Variants in ARSB observed in about 807,000 individuals in gnomAD.
ARSB encodes the protein N-acetylgalactosamine-4-sulfatase.
Under a neutral mutation model 50.9 loss-of-function variants are expected in ARSB, and 41 were observed. The observed-to-expected ratio is 0.81, with a 90% CI of 0.63 to 1.04. The LOEUF is 1.04. Ranked by LOEUF, ARSB falls within the 50% of genes least tolerant of loss-of-function variation. The probability of loss-of-function intolerance (pLI) is 0.00; values close to 1 mark genes in which losing one functional copy is unlikely to be tolerated. For missense variants in ARSB, 672 were observed against 693.3 expected (o/e 0.97, Z 0.35); for synonymous variants, 269 against 284.8 (o/e 0.94, Z 0.56).
At chr5:78,913,129 T>TC (rs1749380284) in intron 4 of ARSB, among the ~76,000 whole-genome samples, 1 of 151,364 alleles carries the variant, frequency 6.6e-6, no homozygotes, top group Admixed American at 6.6e-5. Flanking sequence ...CGCTTTTTTT[T>TC]TTTTTTTCTT....
chr5:78,812,592 A>AACACACACACACACACACAC, intron 6 of ARSB, among the ~76,000 whole-genome samples: 1 of 144,262 alleles, frequency 6.9e-6, no homozygotes, highest in South Asian at 2.2e-4. Context: ...ATTCTGTTCA[A>AACACACACACACACACACAC]ACACACACAC....
intron 4 of ARSB, among the ~76,000 whole-genome samples, chr5:78,916,371 T>C (rs1261040166): frequency 1.3e-5 from 2 of 152,204 alleles, no homozygotes; most frequent in African/African-American, 4.8e-5. Flanking sequence ...ACAGACAAAC[T>C]GTCTTTAGTT....
chr5:78,863,070 T>C (rs113712551), intron 5 of ARSB, among the ~76,000 whole-genome samples: 19,298 of 152,062 alleles, frequency 0.13, 1,421 homozygotes, highest in Middle Eastern at 0.21. Flanking sequence ...CTATCTCACA[T>C]TAGTTAGAAT....
At chr5:78,869,152 G>C (rs1449383842) in intron 5 of ARSB, among the ~76,000 whole-genome samples, 3 of 141,328 alleles carry the variant, frequency 2.1e-5, no homozygotes, top group Non-Finnish European at 4.6e-5. Flanking sequence ...GGAGCACCCA[G>C]ATTCATAAAG....
At chr5:78,844,365 T>C (rs1745354076) in intron 5 of ARSB, among the ~76,000 whole-genome samples, 1 of 152,188 alleles carries the variant, frequency 6.6e-6, no homozygotes, top group Admixed American at 6.5e-5. Context: ...ATTCAGATCA[T>C]TTGCTCGTAT....
chr5:78,784,839 C>T (rs1749034942), intron 6 of ARSB, among the ~76,000 whole-genome samples: 1 of 148,678 alleles, frequency 6.7e-6, no homozygotes, highest in African/African-American at 2.5e-5. Flanking sequence ...TGCTCTGTCA[C>T]CCAGGCTGGA....
At chr5:78,896,191 A>G (rs1748550731) in intron 4 of ARSB, among the ~76,000 whole-genome samples, 1 of 152,180 alleles carries the variant, frequency 6.6e-6, no homozygotes, top group Non-Finnish European at 1.5e-5. Flanking sequence ...GAAGAGCACA[A>G]ATGTGGCACA....
At chr5:78,906,979 T>A (rs1749095136) in intron 4 of ARSB, among the ~76,000 whole-genome samples, 2 of 152,174 alleles carry the variant, frequency 1.3e-5, no homozygotes, top group South Asian at 4.1e-4. Context: ...TGCCCGCTAC[T>A]CTGGGAAAAG....
chr5:78,875,617 G>A (rs541727243), intron 5 of ARSB, among the ~76,000 whole-genome samples: 11 of 151,828 alleles, frequency 7.2e-5, no homozygotes, highest in African/African-American at 2.4e-4. Context: ...TATCATGATC[G>A]AAAGATGAAA....
intron 3 of ARSB, among the ~76,000 whole-genome samples, chr5:78,962,253 A>C (rs949435434): frequency 6.6e-6 from 1 of 152,256 alleles, no homozygotes; most frequent in Non-Finnish European, 1.5e-5. Context: ...TTAAGTGTTA[A>C]GGTGCATCCA....
chr5:78,811,766 A>G (rs540131591), intron 6 of ARSB, among the ~76,000 whole-genome samples: 1 of 152,222 alleles, frequency 6.6e-6, no homozygotes, highest in Admixed American at 6.5e-5. Flanking sequence ...ATTCATAATT[A>G]TATAGTTATC....
At chr5:78,872,942 C>T (rs1747297938) in intron 5 of ARSB, among the ~76,000 whole-genome samples, 1 of 152,022 alleles carries the variant, frequency 6.6e-6, no homozygotes, top group Non-Finnish European at 1.5e-5. Context: ...CTACGGATTG[C>T]CTGCTATCTT....
At chr5:78,852,679 C>A (rs1361349429) in intron 5 of ARSB, among the ~76,000 whole-genome samples, 2 of 152,182 alleles carry the variant, frequency 1.3e-5, no homozygotes, top group Non-Finnish European at 2.9e-5. Context: ...TTCTCCCCGT[C>A]ACTTTCAGGT....
At chr5:78,951,297 GT>G (rs1751486066) in intron 4 of ARSB, among the ~76,000 whole-genome samples, 1 of 151,952 alleles carries the variant, frequency 6.6e-6, no homozygotes, top group Non-Finnish European at 1.5e-5. Context: ...ATCTCACAGG[GT>G]TACATTGAGG....
At chr5:78,974,193 G>A (rs1298109160) in intron 1 of ARSB, among the ~76,000 whole-genome samples, 1 of 152,256 alleles carries the variant, frequency 6.6e-6, no homozygotes, top group Non-Finnish European at 1.5e-5. Context: ...GCAGTCAGCT[G>A]CCCATGCTGC....
At chr5:78,971,656 A>G (rs773747691) in intron 1 of ARSB, among the ~76,000 whole-genome samples, 12 of 152,208 alleles carry the variant, frequency 7.9e-5, no homozygotes, top group Non-Finnish European at 1.6e-4. Flanking sequence ...ACTAACTTCA[A>G]TAACTTTAGT....
intron 6 of ARSB, among the ~76,000 whole-genome samples, chr5:78,798,240 C>T (rs1743247545): frequency 1.3e-5 from 2 of 152,182 alleles, no homozygotes; most frequent in Non-Finnish European, 2.9e-5. Flanking sequence ...CAGCCATCTC[C>T]AGTTCTGGCA....
chr5:78,927,907 G>A (rs1295923495), intron 4 of ARSB, among the ~76,000 whole-genome samples: 1 of 152,222 alleles, frequency 6.6e-6, no homozygotes, highest in Non-Finnish European at 1.5e-5. Flanking sequence ...GGAGAAAGGA[G>A]ATGAAATTGA....
intron 4 of ARSB, among the ~76,000 whole-genome samples, chr5:78,952,497 T>C (rs1469464719): frequency 1.3e-5 from 2 of 152,014 alleles, no homozygotes; most frequent in Admixed American, 1.3e-4. Context: ...CCACCACACC[T>C]GGCTAATTTT....
Sources: gnomAD v4.1 joint callset for allele counts (sites outside exome capture counted in the v4.1 genomes callset) on GRCh38, gnomAD v4.1.1 for gene constraint, MANE v1.5 for transcripts, NCBI Gene and HGNC (gene_info 2026-07-23, HGNC 2026-07-21) for gene names.